Variants in CLEC1A observed in about 807,000 individuals in gnomAD.
CLEC1A encodes the protein C-type lectin-like receptor-1.
A neutral mutation model predicts 28.7 loss-of-function variants in CLEC1A; 34 were observed. That is an observed-to-expected ratio of 1.18 (90% CI 0.90 to 1.57). The LOEUF is 1.57. Ranked by LOEUF, CLEC1A falls within the 40% of genes most tolerant of loss-of-function variation. The probability of loss-of-function intolerance (pLI) is 0.00; values close to 1 mark genes in which losing one functional copy is unlikely to be tolerated. For synonymous variants in CLEC1A, 116 were observed against 121.0 expected, an observed-to-expected ratio of 0.96 and a Z score of 0.27; for missense variants, 385 against 339.5, an observed-to-expected ratio of 1.13 and a Z score of -1.05.
chr12:10,075,651 G>A lies in CLEC1A; in HGVS notation c.396C>T (p.His132=). 3.1e-6 allele frequency: 5 copies of A among 1,611,228 alleles called. No homozygotes were observed. Among genetic ancestry groups the A allele is most frequent in the Non-Finnish European group, 4.2e-6 (5 of 1,178,780 alleles). The part of the protein sequence containing the change: ...CRELYNKAGA[H]RCSPCTEQWK... Reference sequence around the variant, plus strand: ...ATTGTTCTGTACAAGGGCTGCACCTGTGTGCTTGGAAAAAAGCCAATTTTA... The same window carrying A: ...ATTGTTCTGTACAAGGGCTGCACCTATGTGCTTGGAAAAAAGCCAATTTTA... Residue 132 remains histidine (H), a synonymous_variant, in exon 4 of 6, where the codon CAC becomes CAT. Coordinates refer to ENST00000315330, the MANE Select transcript of CLEC1A (RefSeq NM_016511.4).
chr12:10,074,258 C>T lies in CLEC1A; in HGVS notation c.544-847G>A, dbSNP rs138535340. On this transcript the variant is annotated intron_variant, in intron 4 of 5. Transcript: ENST00000315330. ...GGCCGTACACTTTGTTTCATTGTTA[C>T]ATCCAAAACCCCTCAGATAATTAAT... 2.1e-3 allele frequency among the ~76,000 whole-genome samples: 320 copies of T among 152,236 alleles called. 5 individuals are homozygous for T. The East Asian group carries it at 0.036, about 17-fold the overall frequency.
chr12:10,086,035 C>G lies in CLEC1A; in HGVS notation c.214+3089G>C, dbSNP rs184661452. On this transcript the variant is annotated intron_variant, in intron 2 of 5. Coordinates refer to ENST00000315330, the MANE Select transcript of CLEC1A (RefSeq NM_016511.4). ...ATTGAAAATTAACAATACAAGGCAC[C>G]CTGAAAACTACACAAATACATGGAA... Among the ~76,000 whole-genome samples, 118 of 151,936 alleles carry G rather than the reference C, an allele frequency of 7.8e-4. 1 individual carries two copies. Among genetic ancestry groups the G allele is most frequent in the Non-Finnish European group, 2.9e-4 (20 of 67,916 alleles).
At chr12:10,092,056 T>A in intron 1 of CLEC1A, among the ~76,000 whole-genome samples, 1 of 152,194 alleles carries the variant, frequency 6.6e-6, no homozygotes, top group Non-Finnish European at 1.5e-5. Flanking sequence ...TGCCTACCCT[T>A]ACTCAAACAC....
chr12:10,096,803 T>A (rs1414513410), intron 1 of CLEC1A, among the ~76,000 whole-genome samples: 1 of 152,028 alleles, frequency 6.6e-6, no homozygotes, highest in Non-Finnish European at 1.5e-5. Flanking sequence ...ACACCCTCAC[T>A]CCCGATTCCT....
intron 4 of CLEC1A, among the ~76,000 whole-genome samples, chr12:10,074,844 T>C (rs1216842066): frequency 6.6e-6 from 1 of 152,244 alleles, no homozygotes; most frequent in East Asian, 1.9e-4. Flanking sequence ...GTTGATAACC[T>C]ACTCTTCATC....
At chr12:10,090,495 G>C (rs1360789144) in intron 1 of CLEC1A, among the ~76,000 whole-genome samples, 3 of 152,060 alleles carry the variant, frequency 2.0e-5, no homozygotes, top group Non-Finnish European at 4.4e-5. Flanking sequence ...TAACTCCTGA[G>C]CTCAAGTGAT....
intron 2 of CLEC1A, among the ~76,000 whole-genome samples, chr12:10,088,437 A>T (rs910857406): frequency 1.2e-4 from 1 of 8,370 alleles, no homozygotes; most frequent in Non-Finnish European, 4.3e-4. Context: ...TAACTGTTCA[A>T]AGAACAGTTA....
intron 5 of CLEC1A, among the ~76,000 whole-genome samples, chr12:10,072,839 GA>G (rs1866163016): frequency 6.6e-6 from 1 of 152,158 alleles, no homozygotes; most frequent in Non-Finnish European, 1.5e-5. Context: ...AGCACTTTGG[GA>G]GGCCAAGATG....
chr12:10,088,440 AAC>A (rs1866546749), intron 2 of CLEC1A, among the ~76,000 whole-genome samples: 1 of 8,898 alleles, frequency 1.1e-4, no homozygotes, highest in East Asian at 4.8e-4. Flanking sequence ...CTGTTCAAAG[AAC>A]AGTTAAAAGA....
At chr12:10,091,798 G>A (rs1947706289) in intron 1 of CLEC1A, among the ~76,000 whole-genome samples, 1 of 152,058 alleles carries the variant, frequency 6.6e-6, no homozygotes, top group African/African-American at 2.4e-5. Flanking sequence ...GTGCTTATGT[G>A]AGCCCACCAC....
intron 3 of CLEC1A, 113 bp downstream of exon 3, chr12:10,081,124 T>G: frequency 1.1e-6 from 1 of 908,342 alleles, no homozygotes; most frequent in South Asian, 1.9e-5. Flanking sequence ...CAAACCCTTT[T>G]TCAGTTTGCC....
At chr12:10,090,808 G>T (rs1352708846) in intron 1 of CLEC1A, among the ~76,000 whole-genome samples, 3 of 102,978 alleles carry the variant, frequency 2.9e-5, no homozygotes, top group Admixed American at 1.9e-4. Context: ...ACTTTTCACA[G>T]ATTGCTCCTT....
chr12:10,073,308 G>A lies in CLEC1A; in HGVS notation c.647C>T (p.Pro216Leu). 1.9e-6 allele frequency: 3 copies of A among 1,611,944 alleles called. No homozygotes were observed. The highest frequency in any genetic ancestry group is 2.5e-6 in the Non-Finnish European group (3 of 1,178,052). The stretch of plus-strand genomic sequence containing the variant: ...GAAGGCTTACAGTTCAGAAGTGAAA[G>A]GGGTTCCATCCATCCACAGCCAGGC... The part of the protein sequence containing the change: ...GKAWLWMDGT[P>L]FTSELFHIII... The change falls in exon 5 of 6, where the codon CCT (proline) becomes CTT (leucine). Residue 216 changes from proline to leucine, a missense_variant. Physicochemically the swap from Pro to Leu is moderately conservative, Grantham distance 98. Transcript: ENST00000315330.
intron 5 of CLEC1A, 59 bp downstream of exon 5, chr12:10,073,234 T>C: frequency 7.8e-7 from 1 of 1,279,634 alleles, no homozygotes; most frequent in Non-Finnish European, 1.1e-6. Context: ...TTGAGCTCTA[T>C]CACTCAAGCA....
chr12:10,071,467 C>A lies in CLEC1A; in HGVS notation c.709G>T (p.Val237Leu). 1 of 1,613,628 alleles carries A rather than the reference C, an allele frequency of 6.2e-7. No individual in the cohort carries two copies. Among genetic ancestry groups the A allele is most frequent in the Non-Finnish European group, 8.5e-7 (1 of 1,179,682 alleles). ...AAGATCATCCCATTAAGGATGGCCACACAGTCTCTGCTTCTTGGGCTGGTG... is the reference window on the plus strand; with the variant it reads ...AAGATCATCCCATTAAGGATGGCCAAACAGTCTCTGCTTCTTGGGCTGGTG... Reference protein sequence around the residue: ...DVTSPRSRDCVAILNGMIFSK... With the variant: ...DVTSPRSRDCLAILNGMIFSK... Residue 237 changes from valine (V) to leucine (L), a missense_variant, in exon 6 of 6, where the codon GTG (valine) becomes TTG (leucine). By Grantham distance (32) the Val-to-Leu change is conservative. Coordinates refer to ENST00000315330, the MANE Select transcript of CLEC1A (RefSeq NM_016511.4).
chr12:10,076,660 CA>C (rs1247020615), intron 3 of CLEC1A, among the ~76,000 whole-genome samples: 1 of 152,082 alleles, frequency 6.6e-6, no homozygotes, highest in Non-Finnish European at 1.5e-5. Context: ...CGTTCTAAAA[CA>C]CAGAACAAGA....
At position 10,092,849 on chromosome 12, in the gene CLEC1A, C is replaced by G. The variant is rs58099478; in HGVS notation, c.116-3627G>C. ...TTTTTAAAAATCTCTTCTAAGAAAT[C>G]CTCTTTCTCTGATCAAATTTTCATA... On this transcript the variant is annotated intron_variant, in intron 1 of 5. Transcript: ENST00000315330. 9.6e-3 allele frequency among the ~76,000 whole-genome samples: 1,458 copies of G among 152,144 alleles called. 28 individuals carry two copies. Among genetic ancestry groups the G allele is most frequent in the African/African-American group, 0.032 (1,330 of 41,508 alleles).
chr12:10,072,053 G>A (rs1381497002), intron 5 of CLEC1A, among the ~76,000 whole-genome samples: 5 of 152,174 alleles, frequency 3.3e-5, no homozygotes, highest in African/African-American at 1.2e-4. Flanking sequence ...CCTGGTGGGA[G>A]GTGTTCGGGT....
chr12:10,097,497 G>T (rs1392489172), intron 1 of CLEC1A, among the ~76,000 whole-genome samples: 1 of 152,184 alleles, frequency 6.6e-6, no homozygotes, highest in Non-Finnish European at 1.5e-5. Context: ...ACTATTTCCA[G>T]ATGATTTCTT....
Sources: gnomAD v4.1 joint callset for allele counts (sites outside exome capture counted in the v4.1 genomes callset) on GRCh38, gnomAD v4.1.1 for gene constraint, MANE v1.5 for transcripts, NCBI Gene and HGNC (gene_info 2026-07-23, HGNC 2026-07-21) for gene names.